Variants in DLGAP1 observed in about 807,000 individuals in gnomAD.
DLGAP1 encodes DLG associated protein 1.
In DLGAP1, 11 loss-of-function variants were observed where a neutral mutation model predicts 90.8. That is an observed-to-expected ratio of 0.12 (90% CI 0.08 to 0.20). DLGAP1 has a LOEUF of 0.20. Ranked by LOEUF, DLGAP1 falls within the 10% of genes least tolerant of loss-of-function variation. The pLI, the probability that DLGAP1 is intolerant of heterozygous loss-of-function variation, is 1.00. For missense variants in DLGAP1, 1,050 were observed against 1,333.8 expected (o/e 0.79, Z 3.31); for synonymous variants, 558 against 540.7 (o/e 1.03, Z -0.44).
At chr18:3,662,766 G>T (rs2059729279) in intron 7 of DLGAP1, among the ~76,000 whole-genome samples, 1 of 152,236 alleles carries the variant, frequency 6.6e-6, no homozygotes, top group African/African-American at 2.4e-5. Context: ...TTTCAGACTT[G>T]CTATGGTAAT....
intron 10 of DLGAP1, among the ~76,000 whole-genome samples, chr18:3,511,215 C>G (rs1960851406): frequency 6.6e-6 from 1 of 152,152 alleles, no homozygotes; most frequent in South Asian, 2.1e-4. Context: ...TCCTTGTCCT[C>G]CACACTTTCT....
chr18:4,006,900 G>T (rs927453622), intron 2 of DLGAP1, among the ~76,000 whole-genome samples: 2 of 151,958 alleles, frequency 1.3e-5, no homozygotes, highest in Admixed American at 6.6e-5. Context: ...CTCCTACCTC[G>T]GCCTACTAAA....
intron 1 of DLGAP1, among the ~76,000 whole-genome samples, chr18:4,282,562 A>G (rs2079579783): frequency 6.6e-6 from 1 of 152,204 alleles, no homozygotes; most frequent in East Asian, 1.9e-4. Context: ...ATTCCAATGC[A>G]AGTAATACAT....
chr18:3,600,370 C>G (rs1355661012), intron 7 of DLGAP1, among the ~76,000 whole-genome samples: 1 of 152,008 alleles, frequency 6.6e-6, no homozygotes, highest in African/African-American at 2.4e-5. Context: ...ATTCTCCTGC[C>G]TCAGCCTCCC....
chr18:3,801,724 T>C (rs1168878792), intron 5 of DLGAP1, among the ~76,000 whole-genome samples: 1 of 152,050 alleles, frequency 6.6e-6, no homozygotes, highest in Non-Finnish European at 1.5e-5. Context: ...AAATTAGATA[T>C]ATTTCAACAA....
chr18:3,506,566 A>G (rs76093560), intron 11 of DLGAP1, among the ~76,000 whole-genome samples: 2 of 150,904 alleles, frequency 1.3e-5, no homozygotes, highest in Non-Finnish European at 3.0e-5. Flanking sequence ...AAAAAAAAAA[A>G]GAAATCTGCA....
intron 2 of DLGAP1, among the ~76,000 whole-genome samples, chr18:4,123,185 A>C (rs1220738784): frequency 6.6e-6 from 1 of 152,108 alleles, no homozygotes; most frequent in Non-Finnish European, 1.5e-5. Context: ...CAGCCTATGT[A>C]GGTGGGTGGT....
chr18:3,926,088 T>C (rs1011517058), intron 3 of DLGAP1, among the ~76,000 whole-genome samples: 12 of 152,222 alleles, frequency 7.9e-5, no homozygotes, highest in African/African-American at 2.7e-4. Context: ...GAGGCTATGT[T>C]TCTCATTGCC....
chr18:3,848,405 G>A (rs1042111967), intron 4 of DLGAP1, among the ~76,000 whole-genome samples: 7 of 152,050 alleles, frequency 4.6e-5, no homozygotes, highest in Non-Finnish European at 8.8e-5. Flanking sequence ...GGGAGAAGAC[G>A]CATGGTAAAG....
chr18:4,196,005 T>G (rs1327333979), intron 1 of DLGAP1, among the ~76,000 whole-genome samples: 1 of 152,186 alleles, frequency 6.6e-6, no homozygotes, highest in South Asian at 2.1e-4. Flanking sequence ...GGTTAGCTGG[T>G]TCTCATGCCT....
rs768694138 is a variant in DLGAP1 at position 3,662,907 on chromosome 18, T to TCG, written c.1591+66227_1591+66228insCG. On this transcript the variant is annotated intron_variant, in intron 7 of 12. Coordinates refer to ENST00000315677, the MANE Select transcript of DLGAP1 (RefSeq NM_004746.4). ...TTTTCATATTGAGAGGTCTTCATAT[T>TCG]GAGAGAAATTGTATAAGACAACAGC... Among the ~76,000 whole-genome samples, 57 of 152,336 alleles carry TCG rather than the reference T, an allele frequency of 3.7e-4. 1 individual carries two copies. Among genetic ancestry groups the TCG allele is most frequent in the South Asian group, 1.4e-3 (7 of 4,830 alleles).
intron 1 of DLGAP1, among the ~76,000 whole-genome samples, chr18:4,172,165 C>T (rs1333098980): frequency 6.6e-6 from 1 of 152,124 alleles, no homozygotes; most frequent in Non-Finnish European, 1.5e-5. Context: ...AGAACCTTTG[C>T]CTCAGATACA....
At chr18:3,942,531 G>A (rs550389751) in intron 3 of DLGAP1, among the ~76,000 whole-genome samples, 7 of 152,274 alleles carry the variant, frequency 4.6e-5, no homozygotes, top group East Asian at 1.9e-4. Flanking sequence ...TCAACAAAGC[G>A]ATGGCATCTG....
At chr18:4,236,947 C>T (rs1170680507) in intron 1 of DLGAP1, among the ~76,000 whole-genome samples, 1 of 152,104 alleles carries the variant, frequency 6.6e-6, no homozygotes, top group African/African-American at 2.4e-5. Context: ...GTTCTCCTAC[C>T]CTTGAAAACT....
At chr18:3,956,082 A>T (rs1367924361) in intron 3 of DLGAP1, among the ~76,000 whole-genome samples, 2 of 152,228 alleles carry the variant, frequency 1.3e-5, no homozygotes, top group African/African-American at 4.8e-5. Context: ...AGTGAACTCC[A>T]AACATGTGAA....
In DLGAP1 at chr18:3,757,292, C is replaced by T. The variant is rs2063756654; in HGVS notation, c.1173-14780G>A. ...GTGTGGTGGCATGCGCCTGTAGTCC[C>T]AGCTACTTAGGAGGCTTGAGTCAGG... On this transcript the variant is annotated intron_variant, in intron 5 of 12. Transcript: ENST00000315677. 2.0e-5 allele frequency among the ~76,000 whole-genome samples: 3 copies of T among 152,168 alleles called. No homozygotes were observed. In the South Asian group the frequency reaches 6.2e-4, roughly 31 times the overall value.
chr18:3,700,583 C>T (rs914649729), intron 7 of DLGAP1, among the ~76,000 whole-genome samples: 1 of 150,852 alleles, frequency 6.6e-6, no homozygotes, highest in Non-Finnish European at 1.5e-5. Context: ...TCTTGCCAGC[C>T]ACCTAGCATT....
intron 2 of DLGAP1, among the ~76,000 whole-genome samples, chr18:4,115,498 T>TTTTG (rs2076048587): frequency 1.3e-5 from 1 of 75,460 alleles, no homozygotes; most frequent in African/African-American, 8.1e-5. Context: ...TTCTTTCTTT[T>TTTTG]TTTTTGAGAC....
chr18:3,902,165 G>T (rs1427211766), intron 3 of DLGAP1, among the ~76,000 whole-genome samples: 1 of 152,106 alleles, frequency 6.6e-6, no homozygotes, highest in African/African-American at 2.4e-5. Flanking sequence ...TGTGTATTTT[G>T]AACACCCCTT....
Sources: gnomAD v4.1 joint callset for allele counts (sites outside exome capture counted in the v4.1 genomes callset) on GRCh38, gnomAD v4.1.1 for gene constraint, MANE v1.5 for transcripts, NCBI Gene and HGNC (gene_info 2026-07-23, HGNC 2026-07-21) for gene names.